CDYL: variants seen among roughly 807,000 people sequenced by gnomAD.
The protein encoded by CDYL is chromodomain Y like, also known as chromodomain Y-like protein.
In CDYL, 8 loss-of-function variants were observed where a neutral mutation model predicts 47.3. The observed-to-expected ratio is 0.17, with a 90% CI of 0.10 to 0.31. CDYL has a LOEUF of 0.31. Among genes scored for constraint, CDYL ranks in the 10% least tolerant of loss-of-function variants. CDYL has a pLI of 1.00. For missense variants in CDYL, 471 were observed against 701.4 expected (o/e 0.67, Z 3.71); for synonymous variants, 266 against 265.0 (o/e 1.00, Z -0.04).
chr6:4,735,823 A>G (rs907399692), intron 3 of CDYL, among the ~76,000 whole-genome samples: 5 of 152,044 alleles, frequency 3.3e-5, no homozygotes, highest in Non-Finnish European at 7.4e-5. Flanking sequence ...TGAAACTATC[A>G]CCACAATTTA....
intron 1 of CDYL, among the ~76,000 whole-genome samples, chr6:4,708,010 T>C (rs975321006): frequency 2.6e-5 from 4 of 152,142 alleles, no homozygotes; most frequent in South Asian, 2.1e-4. Context: ...TGTGATGGCA[T>C]TGTAGTTGGA....
chr6:4,860,090 A>G (rs1761120656), intron 1 of CDYL, among the ~76,000 whole-genome samples: 1 of 151,802 alleles, frequency 6.6e-6, no homozygotes, highest in South Asian at 2.1e-4. Flanking sequence ...TTTAGTAGAG[A>G]CAGGGTTTCA....
intron 1 of CDYL, among the ~76,000 whole-genome samples, chr6:4,831,632 T>C (rs1760147176): frequency 6.6e-6 from 1 of 152,066 alleles, no homozygotes; most frequent in Non-Finnish European, 1.5e-5. Context: ...ATTGGTAGCT[T>C]GATGGGGATG....
chr6:4,896,855 C>T (rs1762297958), intron 2 of CDYL, among the ~76,000 whole-genome samples: 1 of 152,096 alleles, frequency 6.6e-6, no homozygotes, highest in Admixed American at 6.5e-5. Context: ...ATTTTTGCCA[C>T]CAAAAACCAC....
chr6:4,919,951 A>AGT (rs3055021), intron 2 of CDYL, among the ~76,000 whole-genome samples: 114,036 of 151,930 alleles, frequency 0.75, 44,579 homozygotes, highest in South Asian at 0.85. Flanking sequence ...AAGCAACCCA[A>AGT]GTGTCTATCA....
At position 4,955,147 on chromosome 6, in the gene CDYL, T is replaced by C. The variant is rs1758829561; in HGVS notation, c.*1091T>C. 6.6e-6 allele frequency: 1 copy of C among 152,634 alleles called. No individual in the cohort carries two copies. The highest frequency in any genetic ancestry group is 6.5e-5 in the Admixed American group (1 of 15,284). 9.5% of individuals were successfully genotyped at this position (152,634 alleles called of 1,614,324 possible). On this transcript the variant is annotated 3_prime_UTR_variant, in exon 7 of 7. Transcript: ENST00000397588. Reference sequence around the variant, plus strand: ...CTGCTTTTATGTCTATACAATATACTGAGTTCAGTATGGTGTCCAAGAGTG... The same window carrying C: ...CTGCTTTTATGTCTATACAATATACCGAGTTCAGTATGGTGTCCAAGAGTG...
intron 2 of CDYL, 54 bp downstream of exon 2, chr6:4,892,433 CCTT>C: frequency 6.6e-7 from 1 of 1,517,980 alleles, no homozygotes; most frequent in South Asian, 1.3e-5. Flanking sequence ...GGGCTCGGGT[CCTT>C]CTCTAGAGAT....
At chr6:4,860,740 C>T (rs1761145768) in intron 1 of CDYL, among the ~76,000 whole-genome samples, 1 of 151,668 alleles carries the variant, frequency 6.6e-6, no homozygotes, top group African/African-American at 2.4e-5. Context: ...AAGCCAAGAG[C>T]CATTCTGAGT....
chr6:4,828,252 CTTTT>C (rs11324291), intron 1 of CDYL, among the ~76,000 whole-genome samples: 18 of 79,136 alleles, frequency 2.3e-4, no homozygotes, highest in African/African-American at 7.0e-4. Context: ...TAACTTTCAG[CTTTT>C]TTTTTTTTTT....
chr6:4,909,380 A>G (rs1421907185), intron 2 of CDYL, among the ~76,000 whole-genome samples: 1 of 152,116 alleles, frequency 6.6e-6, no homozygotes, highest in East Asian at 1.9e-4. Context: ...CCTTTCCTGC[A>G]TCCTTATTAT....
At chr6:4,750,771 TA>T (rs889489070) in intron 3 of CDYL, among the ~76,000 whole-genome samples, 26 of 151,460 alleles carry the variant, frequency 1.7e-4, no homozygotes, top group Admixed American at 3.3e-4. Flanking sequence ...TTATCTCATT[TA>T]AAAAAAAATC....
chr6:4,923,148 G>A (rs1190846089), intron 2 of CDYL, among the ~76,000 whole-genome samples: 1 of 152,062 alleles, frequency 6.6e-6, no homozygotes, highest in East Asian at 1.9e-4. Flanking sequence ...ACTCTGCAGT[G>A]CCATACGACA....
intron 2 of CDYL, among the ~76,000 whole-genome samples, chr6:4,915,160 G>A (rs1435316929): frequency 6.6e-6 from 1 of 152,176 alleles, no homozygotes; most frequent in East Asian, 1.9e-4. Flanking sequence ...GCATCCTTTC[G>A]ATCACCTCCC....
chr6:4,830,747 T>G, intron 1 of CDYL, among the ~76,000 whole-genome samples: 1 of 79,852 alleles, frequency 1.3e-5, no homozygotes, highest in East Asian at 4.2e-4. Flanking sequence ...ATGCTATCCC[T>G]CCCCCCTCCC....
At chr6:4,888,577 A>T (rs925214055) in intron 1 of CDYL, among the ~76,000 whole-genome samples, 2 of 152,144 alleles carry the variant, frequency 1.3e-5, no homozygotes, top group African/African-American at 4.8e-5. Flanking sequence ...ATTTTTTTAA[A>T]AGAAACTTTT....
At chr6:4,745,667 G>T (rs986346018) in intron 3 of CDYL, among the ~76,000 whole-genome samples, 5 of 152,196 alleles carry the variant, frequency 3.3e-5, no homozygotes, top group African/African-American at 1.2e-4. Context: ...GTGTCACCAG[G>T]GTCAAAGCCC....
intron 1 of CDYL, among the ~76,000 whole-genome samples, chr6:4,866,902 A>G (rs1420522420): frequency 2.0e-5 from 3 of 152,036 alleles, no homozygotes; most frequent in African/African-American, 4.8e-5. Context: ...AAAATTTTAC[A>G]CCATTATTTC....
chr6:4,909,139 A>G (rs1581256049), intron 2 of CDYL, among the ~76,000 whole-genome samples: 3 of 152,344 alleles, frequency 2.0e-5, no homozygotes, highest in South Asian at 4.1e-4. Context: ...GAATGAGGGC[A>G]GTCTTTTAAA....
At chr6:4,760,595 G>A (rs554233595) in intron 3 of CDYL, among the ~76,000 whole-genome samples, 2 of 152,270 alleles carry the variant, frequency 1.3e-5, no homozygotes, top group Admixed American at 6.5e-5. Context: ...CGAAGCAGAG[G>A]AGAAGCCATG....
Sources: gnomAD v4.1 joint callset for allele counts (sites outside exome capture counted in the v4.1 genomes callset) on GRCh38, gnomAD v4.1.1 for gene constraint, MANE v1.5 for transcripts, NCBI Gene and HGNC (gene_info 2026-07-23, HGNC 2026-07-21) for gene names.